Variants in UTRN observed in about 807,000 individuals in gnomAD.
UTRN encodes utrophin.
UTRN carries 283 observed loss-of-function variants against 463.9 expected under a neutral mutation model. That is an observed-to-expected ratio of 0.61 (90% CI 0.55 to 0.67). The LOEUF (loss-of-function observed/expected upper bound fraction) is 0.67, where lower values mean the gene tolerates loss of function less well. Ranked by LOEUF, UTRN falls within the 30% of genes least tolerant of loss-of-function variation. The pLI is 0.00. For synonymous variants in UTRN, 1,442 were observed against 1,431.5 expected (o/e 1.01, Z -0.17); for missense variants, 3,922 against 4,084.3 (o/e 0.96, Z 1.08).
chr6:144,594,387 T>A (rs1803434154), intron 51 of UTRN, among the ~76,000 whole-genome samples: 1 of 152,234 alleles, frequency 6.6e-6, no homozygotes, highest in Non-Finnish European at 1.5e-5. Flanking sequence ...GTGGAACTTG[T>A]ATTTAACTTT....
rs1050177670 is a variant in UTRN at position 144,732,680 on chromosome 6, T to C, written c.7939+2194T>C. ...CATGTTATGTTATGTTATGTTATGT[T>C]ATGTTATGTTATGTTATGTTATGTT... On this transcript the variant is annotated intron_variant, in intron 54 of 74. Coordinates refer to ENST00000367545, the MANE Select transcript of UTRN (RefSeq NM_007124.3). Among the ~76,000 whole-genome samples, 4 of 150,146 alleles carry C rather than the reference T, an allele frequency of 2.7e-5. No individual in the cohort carries two copies. In the East Asian group the frequency reaches 7.9e-4, roughly 30 times the overall value.
intron 2 of UTRN, among the ~76,000 whole-genome samples, chr6:144,372,526 G>C (rs1449442380): frequency 6.6e-6 from 1 of 151,758 alleles, no homozygotes; most frequent in African/African-American, 2.4e-5. Context: ...ATGGAGTCTT[G>C]CTTTGTCACC....
intron 2 of UTRN, among the ~76,000 whole-genome samples, chr6:144,323,875 C>G (rs527367312): frequency 6.6e-6 from 1 of 152,298 alleles, no homozygotes; most frequent in Admixed American, 6.5e-5. Flanking sequence ...TTTTCTCCAT[C>G]CTTAGGTAGC....
intron 35 of UTRN, among the ~76,000 whole-genome samples, chr6:144,513,213 A>C (rs954070259): frequency 6.6e-6 from 1 of 152,156 alleles, no homozygotes; most frequent in Admixed American, 6.5e-5. Flanking sequence ...AATCTTTTTC[A>C]ATTCATATTT....
In UTRN at chr6:144,730,464, A is replaced by G; in HGVS notation, c.7917A>G (p.Arg2639=). The part of the protein sequence containing the change: ...DQPIEAPEEP[R]RNLQSKTELT... The stretch of plus-strand genomic sequence containing the variant: ...CAATTGAGGCCCCTGAAGAGCCAAG[A>G]AGAAACCTACAATCAAAAACAGGTG... The change falls in exon 54 of 75, where the codon AGA becomes AGG. Residue 2639 remains arginine, a synonymous_variant. Coordinates refer to ENST00000367545, the MANE Select transcript of UTRN (RefSeq NM_007124.3). The G allele has an allele frequency of 6.2e-7, 1 of 1,609,042 alleles. No individual in the cohort carries two copies. The highest frequency in any genetic ancestry group is 8.5e-7 in the Non-Finnish European group (1 of 1,177,396).
At chr6:144,603,133 G>T (rs919076930) in intron 51 of UTRN, among the ~76,000 whole-genome samples, 6 of 151,990 alleles carry the variant, frequency 3.9e-5, no homozygotes, top group South Asian at 4.1e-4. Context: ...AAGCATATTT[G>T]TATTTCTTTA....
At chr6:144,612,393 GCAAAGGCAGCAAT>G (rs2128643176) in intron 51 of UTRN, among the ~76,000 whole-genome samples, 1 of 152,180 alleles carries the variant, frequency 6.6e-6, no homozygotes, top group Non-Finnish European at 1.5e-5. Flanking sequence ...CTTCTGCACA[GCAAAGGCAGCAAT>G]CAAAGTGGAG....
At chr6:144,802,988 C>T in intron 64 of UTRN, 48 bp from the exon 65 acceptor site, 1 of 1,299,472 alleles carries the variant, frequency 7.7e-7, no homozygotes, top group Non-Finnish European at 1.0e-6. Flanking sequence ...CAAATTTAGA[C>T]TAAATGATAG....
chr6:144,308,850 T>C (rs972704084), intron 2 of UTRN, among the ~76,000 whole-genome samples: 2 of 152,208 alleles, frequency 1.3e-5, no homozygotes, highest in Non-Finnish European at 2.9e-5. Context: ...CACCTGTCTC[T>C]GTAGCTACCA....
chr6:144,644,509 A>T (rs1778092950), intron 51 of UTRN, among the ~76,000 whole-genome samples: 1 of 152,176 alleles, frequency 6.6e-6, no homozygotes, highest in South Asian at 2.1e-4. Context: ...CTAAAAATGG[A>T]GATAATTATG....
At chr6:144,369,027 T>C (rs1779756992) in intron 2 of UTRN, among the ~76,000 whole-genome samples, 1 of 152,214 alleles carries the variant, frequency 6.6e-6, no homozygotes, top group Admixed American at 6.5e-5. Context: ...AAACTTTTTT[T>C]GGATTGAGAG....
chr6:144,695,387 G>A (rs1783889710), intron 52 of UTRN, among the ~76,000 whole-genome samples: 1 of 151,196 alleles, frequency 6.6e-6, no homozygotes, highest in East Asian at 1.9e-4. Flanking sequence ...TGTGTTGCCA[G>A]GGCTGGAGTG....
chr6:144,822,124 T>C (rs1779656404), intron 66 of UTRN, among the ~76,000 whole-genome samples: 1 of 152,148 alleles, frequency 6.6e-6, no homozygotes, highest in Admixed American at 6.5e-5. Flanking sequence ...GAAGTAGTAA[T>C]ATTTTAGTGC....
At chr6:144,371,307 A>G (rs1041320593) in intron 2 of UTRN, among the ~76,000 whole-genome samples, 1 of 152,170 alleles carries the variant, frequency 6.6e-6, no homozygotes, top group African/African-American at 2.4e-5. Flanking sequence ...GTATTAGTAG[A>G]TCTAGCATGC....
chr6:144,560,334 G>A (rs934909656), intron 50 of UTRN, among the ~76,000 whole-genome samples: 1 of 152,056 alleles, frequency 6.6e-6, no homozygotes, highest in Non-Finnish European at 1.5e-5. Flanking sequence ...TTGTGTACCC[G>A]CCTCTCAGTT....
chr6:144,634,348 G>C (rs1776871169), intron 51 of UTRN, among the ~76,000 whole-genome samples: 1 of 152,114 alleles, frequency 6.6e-6, no homozygotes, highest in African/African-American at 2.4e-5. Context: ...TGTCCGTCAG[G>C]GTCATCTTTT....
chr6:144,538,874 A>T (rs1242504529), intron 44 of UTRN, among the ~76,000 whole-genome samples: 3 of 152,228 alleles, frequency 2.0e-5, no homozygotes, highest in African/African-American at 7.2e-5. Flanking sequence ...ACAATATCTA[A>T]CAAGCTTCCT....
chr6:144,668,506 G>GC (rs1263251852), intron 51 of UTRN, among the ~76,000 whole-genome samples: 2 of 152,188 alleles, frequency 1.3e-5, no homozygotes, highest in African/African-American at 4.8e-5. Context: ...ATAACAAAAT[G>GC]CCATAGACTG....
Position 144,819,911 on chromosome 6 carries a change from C to CCTCCT in UTRN, c.9358-968_9358-967insCTCTC, listed in dbSNP as rs11397588. On this transcript the variant is annotated intron_variant, in intron 65 of 74. Coordinates refer to ENST00000367545, the MANE Select transcript of UTRN (RefSeq NM_007124.3). ...TCCTCCTCCTCCTCCTCCTCCTCCT[C>CCTCCT]CTCTCTCTCTCTCTCTCTCTCTTTC... Among the ~76,000 whole-genome samples, 292 of 118,594 alleles carry CCTCCT rather than the reference C, an allele frequency of 2.5e-3. 2 individuals are homozygous for CCTCCT. The highest frequency in any genetic ancestry group is 9.8e-3 in the African/African-American group (257 of 26,114). The allele number at this position is 118,594 out of a possible 152,430, so 77.8% of individuals were successfully genotyped here. A position where few individuals can be genotyped will look rare whatever the true frequency, so the allele number is the denominator to read the frequency against.
Sources: gnomAD v4.1 joint callset for allele counts (sites outside exome capture counted in the v4.1 genomes callset) on GRCh38, gnomAD v4.1.1 for gene constraint, MANE v1.5 for transcripts, NCBI Gene and HGNC (gene_info 2026-07-23, HGNC 2026-07-21) for gene names.